Variants in GMPR observed in about 807,000 individuals in gnomAD.
GMPR encodes GMP reductase 1.
GMPR carries 31 observed loss-of-function variants against 38.4 expected under a neutral mutation model. The observed-to-expected ratio is 0.81, with a 90% CI of 0.61 to 1.09. The LOEUF is 1.09. Among genes scored for constraint, GMPR ranks in the 50% least tolerant of loss-of-function variants. The probability of loss-of-function intolerance (pLI) is 0.00; values close to 1 mark genes in which losing one functional copy is unlikely to be tolerated. For missense variants in GMPR, 468 were observed against 453.7 expected (o/e 1.03, Z -0.29); for synonymous variants, 162 against 173.3 (o/e 0.93, Z 0.51).
rs142552513 is a variant in GMPR, at chr6:16,247,556, G to T, written c.207+595G>T. On this transcript the variant is annotated intron_variant, in intron 2 of 8. Coordinates refer to ENST00000259727, the MANE Select transcript of GMPR (RefSeq NM_006877.4). ...TGCCCAGCTAATTTTTGTATTTTTAGTGAAGATGGGGTTTCACCGTGTTGG... is the reference window on the plus strand; with the variant it reads ...TGCCCAGCTAATTTTTGTATTTTTATTGAAGATGGGGTTTCACCGTGTTGG... 4.0e-3 allele frequency among the ~76,000 whole-genome samples: 608 copies of T among 152,218 alleles called. 3 individuals carry two copies. The highest frequency in any genetic ancestry group is 6.8e-3 in the Middle Eastern group (2 of 294).
chr6:16,239,859 G>A (rs183623207), intron 1 of GMPR, among the ~76,000 whole-genome samples: 1 of 152,380 alleles, frequency 6.6e-6, no homozygotes, highest in Admixed American at 6.5e-5. Context: ...GTAAGCAGCA[G>A]CATTGGCTGG....
At chr6:16,260,370 G>A (rs537024491) in intron 4 of GMPR, among the ~76,000 whole-genome samples, 2 of 152,106 alleles carry the variant, frequency 1.3e-5, no homozygotes, top group South Asian at 4.1e-4. Context: ...AATTATTTCT[G>A]ACAGAAGGGA....
At chr6:16,290,331 T>A in intron 7 of GMPR, 131 bp from the exon 8 acceptor site, 1 of 798,972 alleles carries the variant, frequency 1.3e-6, no homozygotes, top group Admixed American at 2.0e-5. Flanking sequence ...GCGAGAGAGG[T>A]CCAGCCTTTC....
chr6:16,243,380 G>A (rs964955911), intron 1 of GMPR, among the ~76,000 whole-genome samples: 13 of 152,258 alleles, frequency 8.5e-5, no homozygotes, highest in East Asian at 5.8e-4. Flanking sequence ...CTGGGCATGA[G>A]CTTCTCACGA....
chr6:16,268,315 C>T (rs544496860), intron 4 of GMPR, among the ~76,000 whole-genome samples: 2 of 152,270 alleles, frequency 1.3e-5, no homozygotes, highest in African/African-American at 4.8e-5. Context: ...GTTGATACTC[C>T]TCTTTTTTGT....
At chr6:16,239,994 A>G (rs1758616372) in intron 1 of GMPR, among the ~76,000 whole-genome samples, 1 of 152,180 alleles carries the variant, frequency 6.6e-6, no homozygotes, top group African/African-American at 2.4e-5. Flanking sequence ...CTCTCTTGGA[A>G]CAAAAACAGT....
intron 4 of GMPR, among the ~76,000 whole-genome samples, chr6:16,270,740 A>G (rs898046191): frequency 3.3e-5 from 5 of 152,174 alleles, no homozygotes; most frequent in Admixed American, 6.5e-5. Context: ...TGGTTGAGGC[A>G]TTTCATAATC....
chr6:16,271,168 T>A (rs1020113822), intron 4 of GMPR, among the ~76,000 whole-genome samples: 2 of 152,008 alleles, frequency 1.3e-5, no homozygotes, highest in Admixed American at 6.6e-5. Context: ...TGGCGCCAGA[T>A]TGGGGAAAAG....
In GMPR at chr6:16,285,791, A is replaced by C; in HGVS notation, c.655-2A>C. ...CCTGTCCTTGCTTTTTCCTCTGTGA[A>C]GGATGGAGGCTGTACGTGTCCAGGG... is the stretch of plus-strand genomic sequence containing the variant. On this transcript the variant is annotated splice_acceptor_variant, in intron 6 of 8. Coordinates refer to ENST00000259727, the MANE Select transcript of GMPR (RefSeq NM_006877.4). LOFTEE classifies it high-confidence loss of function. The C allele has an allele frequency of 6.2e-7, 1 of 1,613,134 alleles. No individual in the cohort carries two copies. The highest frequency in any genetic ancestry group is 8.5e-7 in the Non-Finnish European group (1 of 1,179,438).
rs769258213 is a variant in GMPR at position 16,285,825 on chromosome 6, C to A, written c.687C>A (p.Ala229=). ...DGGCTCPGDV[A]KAFGAGADFV... ...GCTGTACGTGTCCAGGGGATGTCGC[C>A]AAAGCCTTTGGTAAGGCCGGGCCCT... The change falls in exon 7 of 9, where the codon GCC becomes GCA. Residue 229 remains alanine, a synonymous_variant. Transcript: ENST00000259727. The A allele has an allele frequency of 1.9e-6, 3 of 1,612,194 alleles. No homozygotes were observed. The highest frequency in any genetic ancestry group is 2.5e-6 in the Non-Finnish European group (3 of 1,179,134).
chr6:16,277,422 G>C (rs1759492059), intron 5 of GMPR, among the ~76,000 whole-genome samples: 2 of 152,210 alleles, frequency 1.3e-5, no homozygotes. Context: ...CCACCCCCGG[G>C]TCTGGTGGGA....
chr6:16,253,100 T>G (rs1421076948), intron 3 of GMPR, among the ~76,000 whole-genome samples: 1 of 152,168 alleles, frequency 6.6e-6, no homozygotes, highest in Non-Finnish European at 1.5e-5. Flanking sequence ...AGGTGTGAGG[T>G]TCAGGGGCAC....
intron 1 of GMPR, 47 bp downstream of exon 1, chr6:16,238,827 G>A: frequency 9.2e-7 from 1 of 1,092,772 alleles, no homozygotes; most frequent in Non-Finnish European, 1.3e-6. Flanking sequence ...TTTTTTTCCG[G>A]GTGGCGCGGG....
intron 4 of GMPR, among the ~76,000 whole-genome samples, chr6:16,265,898 C>T (rs963896232): frequency 3.9e-5 from 6 of 152,232 alleles, no homozygotes; most frequent in East Asian, 3.9e-4. Context: ...GTAACACTTA[C>T]TGCAAAGATG....
chr6:16,270,268 G>A (rs1181354393), intron 4 of GMPR, among the ~76,000 whole-genome samples: 1 of 152,152 alleles, frequency 6.6e-6, no homozygotes, highest in Admixed American at 6.5e-5. Flanking sequence ...CTAGGAAGAG[G>A]GGTTGCCTAT....
At chr6:16,252,498 A>G (rs745467012) in intron 3 of GMPR, among the ~76,000 whole-genome samples, 6 of 152,126 alleles carry the variant, frequency 3.9e-5, no homozygotes, top group Non-Finnish European at 7.4e-5. Context: ...TCGGCCTCCT[A>G]AAGTGCTGGG....
chr6:16,294,565 G>A (rs181643256), intron 8 of GMPR, among the ~76,000 whole-genome samples: 1 of 152,204 alleles, frequency 6.6e-6, no homozygotes, highest in Non-Finnish European at 1.5e-5. Flanking sequence ...TTTCCAGGGG[G>A]GAATCGGCCA....
intron 6 of GMPR, among the ~76,000 whole-genome samples, chr6:16,279,492 A>G (rs1298618222): frequency 1.3e-5 from 2 of 152,232 alleles, no homozygotes; most frequent in Non-Finnish European, 2.9e-5. Context: ...ATAAGGTCAC[A>G]TTCTGAGATG....
At chr6:16,239,750 G>A (rs1758610604) in intron 1 of GMPR, among the ~76,000 whole-genome samples, 1 of 152,236 alleles carries the variant, frequency 6.6e-6, no homozygotes, top group Admixed American at 6.5e-5. Context: ...GCCCACTCCG[G>A]TGCCAGGCCT....
Sources: allele counts gnomAD v4.1 joint callset (sites outside exome capture counted in the v4.1 genomes callset), GRCh38; gene constraint gnomAD v4.1.1; transcripts MANE v1.5; gene names NCBI Gene and HGNC (gene_info 2026-07-23, HGNC 2026-07-21).